The following GALNT13 variants were observed in gnomAD, a reference collection of about 807,000 sequenced individuals.
GALNT13 encodes the protein UDP-GalNAc:polypeptide N-acetylgalactosaminyltransferase 13.
GALNT13 carries 28 observed loss-of-function variants against 64.2 expected under a neutral mutation model. The ratio of observed to expected loss-of-function variants is 0.44; its 90% CI spans 0.32 to 0.60. GALNT13 has a LOEUF of 0.60. Ranked by LOEUF, GALNT13 falls within the 20% of genes least tolerant of loss-of-function variation. The pLI is 0.05. For synonymous variants in GALNT13, 214 were observed against 224.6 expected (o/e 0.95, Z 0.42); for missense variants, 577 against 669.8 (o/e 0.86, Z 1.53).
At chr2:153,395,534 C>T in the GALNT13 span, among the ~76,000 whole-genome samples, 2 of 152,080 alleles carry the variant, frequency 1.3e-5, no homozygotes, top group Non-Finnish European at 2.9e-5. Flanking sequence ...ACTCTTGTAG[C>T]ATTTTCCTTT....
the GALNT13 span, among the ~76,000 whole-genome samples, chr2:153,862,127 T>G: frequency 6.6e-6 from 1 of 152,210 alleles, no homozygotes; most frequent in African/African-American, 2.4e-5. Context: ...AATAATCTTA[T>G]AGCAATTACA....
At chr2:153,780,236 T>G in the GALNT13 span, among the ~76,000 whole-genome samples, 1 of 11,212 alleles carries the variant, frequency 8.9e-5, no homozygotes, top group South Asian at 1.6e-3. Flanking sequence ...TATATATATA[T>G]ATATATATAT....
the GALNT13 span, among the ~76,000 whole-genome samples, chr2:153,374,223 A>G: frequency 1.3e-5 from 2 of 152,180 alleles, no homozygotes; most frequent in Admixed American, 6.6e-5. Flanking sequence ...AGTACACAAG[A>G]ATTCCTATTT....
intron 9 of GALNT13, among the ~76,000 whole-genome samples, chr2:154,309,012 C>G (rs1002054335): frequency 1.3e-5 from 2 of 152,064 alleles, no homozygotes; most frequent in Admixed American, 6.6e-5. Context: ...GCTCTGTCTT[C>G]AGTTGTTAAG....
the GALNT13 span, among the ~76,000 whole-genome samples, chr2:153,189,864 C>T: frequency 6.8e-4 from 104 of 152,118 alleles, no homozygotes; most frequent in Non-Finnish European, 1.2e-3. Context: ...TGATGATGAA[C>T]ATTTGATTCA....
At chr2:153,926,963 G>A (rs1690183110) in intron 2 of GALNT13, among the ~76,000 whole-genome samples, 1 of 152,032 alleles carries the variant, frequency 6.6e-6, no homozygotes. Context: ...GCTTGTATAT[G>A]AATAAGTTAA....
the GALNT13 span, among the ~76,000 whole-genome samples, chr2:153,830,097 T>C: frequency 6.6e-6 from 1 of 152,190 alleles, no homozygotes. Context: ...ATTATTATTT[T>C]TATGTATTAC....
the GALNT13 span, among the ~76,000 whole-genome samples, chr2:153,200,528 A>C: frequency 1.3e-5 from 2 of 152,240 alleles, no homozygotes; most frequent in Non-Finnish European, 2.9e-5. Flanking sequence ...GCTAAACATG[A>C]GAATTAAGAC....
the GALNT13 span, among the ~76,000 whole-genome samples, chr2:153,530,041 G>T: frequency 6.6e-6 from 1 of 152,178 alleles, no homozygotes; most frequent in East Asian, 1.9e-4. Flanking sequence ...AGTACTGGAA[G>T]TCCTAGCTAA....
the GALNT13 span, among the ~76,000 whole-genome samples, chr2:153,730,705 A>G: frequency 1.3e-5 from 2 of 151,912 alleles, no homozygotes; most frequent in African/African-American, 4.8e-5. Context: ...CAAGAAGAAA[A>G]AAAAATAAGC....
intron 3 of GALNT13, among the ~76,000 whole-genome samples, chr2:154,014,561 C>A (rs1401288847): frequency 8.3e-6 from 1 of 120,960 alleles, no homozygotes; most frequent in Non-Finnish European, 1.7e-5. Flanking sequence ...GGTCAGCCAT[C>A]TTGGCTCTTT....
chr2:154,248,809 G>A (rs1235770490), intron 7 of GALNT13, among the ~76,000 whole-genome samples: 1 of 152,146 alleles, frequency 6.6e-6, no homozygotes, highest in African/African-American at 2.4e-5. Flanking sequence ...TGACACTGAG[G>A]CTGAGGGTCA....
At chr2:153,577,698 CAGTCCACTAACTATTCT>C in the GALNT13 span, among the ~76,000 whole-genome samples, 463 of 152,072 alleles carry the variant, frequency 3.0e-3, 9 homozygotes, top group Admixed American at 0.023. Context: ...TATTGGCTTT[CAGTCCACTAACTATTCT>C]AGGCAAAATA....
intron 3 of GALNT13, among the ~76,000 whole-genome samples, chr2:154,127,676 A>G (rs1247385324): frequency 6.7e-6 from 1 of 149,896 alleles, no homozygotes; most frequent in Admixed American, 6.7e-5. Flanking sequence ...GGTCATACAT[A>G]TAGTCATATA....
intron 9 of GALNT13, among the ~76,000 whole-genome samples, chr2:154,361,790 G>A (rs1025997417): frequency 6.6e-6 from 1 of 152,010 alleles, no homozygotes; most frequent in African/African-American, 2.4e-5. Context: ...GCATGATTAG[G>A]CTTTTTAAAT....
chr2:153,656,973 C>T, the GALNT13 span, among the ~76,000 whole-genome samples: 1 of 152,052 alleles, frequency 6.6e-6, no homozygotes, highest in African/African-American at 2.4e-5. Context: ...AAGGCAAAGG[C>T]AGGATCCTAG....
At chr2:153,811,868 A>T in the GALNT13 span, among the ~76,000 whole-genome samples, 2 of 152,194 alleles carry the variant, frequency 1.3e-5, no homozygotes, top group African/African-American at 4.8e-5. Flanking sequence ...AAATTAACAC[A>T]TTTGCCTCAG....
intron 8 of GALNT13, among the ~76,000 whole-genome samples, chr2:154,300,451 A>C (rs1228077753): frequency 6.6e-6 from 1 of 152,168 alleles, no homozygotes; most frequent in South Asian, 2.1e-4. Flanking sequence ...AACTCTACTT[A>C]AATCAGATGT....
the GALNT13 span, among the ~76,000 whole-genome samples, chr2:153,574,994 AT>A: frequency 3.3e-5 from 5 of 152,170 alleles, no homozygotes; most frequent in Admixed American, 3.3e-4. Flanking sequence ...CTAGGTTTGT[AT>A]GTACCTGTCC....
Sources: gnomAD v4.1 joint callset for allele counts (sites outside exome capture counted in the v4.1 genomes callset) on GRCh38, gnomAD v4.1.1 for gene constraint, MANE v1.5 for transcripts, NCBI Gene and HGNC (gene_info 2026-07-23, HGNC 2026-07-21) for gene names.